ATG10: variants seen among roughly 807,000 people sequenced by gnomAD.
ATG10 encodes ubiquitin-like-conjugating enzyme ATG10.
In ATG10, 30 loss-of-function variants were observed where a neutral mutation model predicts 32.1. The observed-to-expected ratio is 0.94, with a 90% CI of 0.70 to 1.27. The LOEUF is 1.27. ATG10 is among the 50% of genes most tolerant of loss of function. The pLI is 0.00. For synonymous variants in ATG10, 87 were observed against 91.5 expected, an observed-to-expected ratio of 0.95 and a Z score of 0.28; for missense variants, 233 against 262.3, an observed-to-expected ratio of 0.89 and a Z score of 0.77.
chr5:82,217,226 C>T (rs778132549), intron 5 of ATG10, among the ~76,000 whole-genome samples: 1 of 152,158 alleles, frequency 6.6e-6, no homozygotes, highest in African/African-American at 2.4e-5. Context: ...CAGCCTCTTA[C>T]TAGCTGTTTG....
intron 2 of ATG10, among the ~76,000 whole-genome samples, chr5:82,030,363 A>T (rs1266542159): frequency 2.6e-5 from 4 of 152,190 alleles, no homozygotes; most frequent in Non-Finnish European, 5.9e-5. Flanking sequence ...AAAATAAAAA[A>T]TTTTGCTCCC....
chr5:82,216,302 T>C (rs1244214346), intron 5 of ATG10, among the ~76,000 whole-genome samples: 2 of 152,234 alleles, frequency 1.3e-5, no homozygotes, highest in Non-Finnish European at 2.9e-5. Flanking sequence ...GGAGCCACCC[T>C]GGCTTAAGAC....
At chr5:82,148,717 T>C (rs769129878) in intron 3 of ATG10, among the ~76,000 whole-genome samples, 12 of 152,198 alleles carry the variant, frequency 7.9e-5, no homozygotes, top group Admixed American at 1.3e-4. Flanking sequence ...TTGAAATTTA[T>C]TTATTTCAGC....
chr5:82,238,258 C>G (rs1027455204), intron 5 of ATG10, among the ~76,000 whole-genome samples: 8 of 152,178 alleles, frequency 5.3e-5, no homozygotes, highest in Non-Finnish European at 1.0e-4. Flanking sequence ...CCCATGCCTT[C>G]CCTCCGAATG....
intron 5 of ATG10, among the ~76,000 whole-genome samples, chr5:82,227,249 G>A (rs1746168532): frequency 6.6e-6 from 1 of 151,752 alleles, no homozygotes; most frequent in Non-Finnish European, 1.5e-5. Context: ...TCTGACATCC[G>A]ACATCCATCC....
chr5:82,119,025 G>A (rs1262787560), intron 3 of ATG10, among the ~76,000 whole-genome samples: 1 of 152,150 alleles, frequency 6.6e-6, no homozygotes, highest in African/African-American at 2.4e-5. Context: ...TCTATCCTTT[G>A]TTTTGCCTCA....
chr5:82,062,544 G>A (rs1196392521), intron 3 of ATG10, among the ~76,000 whole-genome samples: 1 of 152,118 alleles, frequency 6.6e-6, no homozygotes, highest in Non-Finnish European at 1.5e-5. Flanking sequence ...AGCGTACAGT[G>A]CTATTATTAA....
chr5:82,013,439 A>C (rs1367146014), intron 2 of ATG10, among the ~76,000 whole-genome samples: 2 of 152,128 alleles, frequency 1.3e-5, no homozygotes, highest in Non-Finnish European at 2.9e-5. Context: ...GGCTGGTTTC[A>C]TATTTTTGCA....
At chr5:82,018,694 C>G (rs922413540) in intron 2 of ATG10, among the ~76,000 whole-genome samples, 3 of 152,166 alleles carry the variant, frequency 2.0e-5, no homozygotes, top group African/African-American at 7.2e-5. Flanking sequence ...CTAGAACACT[C>G]TTCTTCCAGA....
chr5:82,211,745 A>C (rs1561359740), intron 5 of ATG10, among the ~76,000 whole-genome samples: 2 of 151,946 alleles, frequency 1.3e-5, no homozygotes. Flanking sequence ...CCTGCTTCTC[A>C]CACTCCCATA....
At chr5:82,013,359 G>C (rs1487107908) in intron 2 of ATG10, among the ~76,000 whole-genome samples, 1 of 152,076 alleles carries the variant, frequency 6.6e-6, no homozygotes, top group Non-Finnish European at 1.5e-5. Context: ...TTATAATAAT[G>C]GTCTCCAATT....
intron 5 of ATG10, among the ~76,000 whole-genome samples, chr5:82,213,736 G>A (rs959087913): frequency 1.3e-5 from 2 of 152,154 alleles, no homozygotes; most frequent in African/African-American, 2.4e-5. Context: ...GTCTAAGAGC[G>A]GAATTCATGT....
At chr5:82,041,142 T>C (rs932222988) in intron 2 of ATG10, among the ~76,000 whole-genome samples, 2 of 152,344 alleles carry the variant, frequency 1.3e-5, no homozygotes, top group East Asian at 1.9e-4. Context: ...ACTTTACTTA[T>C]TATCTATCTT....
intron 5 of ATG10, among the ~76,000 whole-genome samples, chr5:82,248,172 C>T (rs1370188739): frequency 2.6e-5 from 4 of 152,204 alleles, no homozygotes; most frequent in African/African-American, 4.8e-5. Context: ...GCCTGGAGAA[C>T]TTATCTACCC....
chr5:82,125,081 A>G (rs561703304), intron 3 of ATG10, among the ~76,000 whole-genome samples: 64 of 152,316 alleles, frequency 4.2e-4, no homozygotes, highest in Non-Finnish European at 7.6e-4. Context: ...AGCTGCATAA[A>G]TGTGTTCTTT....
chr5:82,017,321 T>C (rs1762316577), intron 2 of ATG10, among the ~76,000 whole-genome samples: 1 of 152,174 alleles, frequency 6.6e-6, no homozygotes, highest in Admixed American at 6.6e-5. Context: ...TGGATGAGTC[T>C]TTAGGGTATA....
At chr5:82,063,554 G>A (rs188816336) in intron 3 of ATG10, among the ~76,000 whole-genome samples, 7 of 151,016 alleles carry the variant, frequency 4.6e-5, no homozygotes, top group Admixed American at 3.3e-4. Context: ...CTGCAGTGGT[G>A]TGATCTTGGC....
chr5:82,014,064 T>C (rs193298064), intron 2 of ATG10, among the ~76,000 whole-genome samples: 1 of 152,352 alleles, frequency 6.6e-6, no homozygotes, highest in East Asian at 1.9e-4. Context: ...ACATCTTTAT[T>C]TCTGCCTTCA....
chr5:82,153,331 A>G (rs555028023), intron 3 of ATG10, among the ~76,000 whole-genome samples: 1 of 152,276 alleles, frequency 6.6e-6, no homozygotes, highest in South Asian at 2.1e-4. Context: ...GTGGGCACAC[A>G]TGTATAAGTG....
Sources: allele counts gnomAD v4.1 joint callset (sites outside exome capture counted in the v4.1 genomes callset), GRCh38; gene constraint gnomAD v4.1.1; transcripts MANE v1.5; gene names NCBI Gene and HGNC (gene_info 2026-07-23, HGNC 2026-07-21).